GALNT17: variants seen among roughly 807,000 people sequenced by gnomAD.
GALNT17 encodes UDP-GalNAc:polypeptide N-acetylgalactosaminyltransferase-like 3.
GALNT17 carries 29 observed loss-of-function variants against 63.7 expected under a neutral mutation model. That is an observed-to-expected ratio of 0.46 (90% confidence interval 0.34 to 0.62). The LOEUF (loss-of-function observed/expected upper bound fraction) is 0.62. GALNT17 is among the 20% of genes least tolerant of loss of function. The pLI is 0.01. For missense variants in GALNT17, 603 were observed against 799.6 expected (o/e 0.75, Z 2.97); for synonymous variants, 305 against 318.3 (o/e 0.96, Z 0.45).
At chr7:71,694,684 C>A (rs189572267) in intron 9 of GALNT17, among the ~76,000 whole-genome samples, 1 of 152,288 alleles carries the variant, frequency 6.6e-6, no homozygotes, top group East Asian at 1.9e-4. Flanking sequence ...GCGTGAGCCA[C>A]GGTGCCCAGC....
chr7:71,301,223 G>A (rs1387015954), intron 1 of GALNT17, among the ~76,000 whole-genome samples: 1 of 151,758 alleles, frequency 6.6e-6, no homozygotes, highest in Non-Finnish European at 1.5e-5. Context: ...GGAGTTCGAG[G>A]CTGCAGTGAG....
At chr7:71,240,204 G>A (rs1403445226) in intron 1 of GALNT17, among the ~76,000 whole-genome samples, 3 of 152,200 alleles carry the variant, frequency 2.0e-5, no homozygotes, top group Non-Finnish European at 1.5e-5. Context: ...TCTCAGCCGA[G>A]ACCGGAGAAT....
intron 5 of GALNT17, among the ~76,000 whole-genome samples, chr7:71,537,911 T>A (rs769605064): frequency 2.0e-5 from 3 of 152,056 alleles, no homozygotes; most frequent in Non-Finnish European, 4.4e-5. Flanking sequence ...GATTATGTGA[T>A]CACAGATCAA....
chr7:71,220,611 T>C (rs1789565451), intron 1 of GALNT17, among the ~76,000 whole-genome samples: 1 of 152,150 alleles, frequency 6.6e-6, no homozygotes, highest in East Asian at 1.9e-4. Flanking sequence ...TATCTCGGAA[T>C]GTGTCTGTAC....
At chr7:71,680,704 T>TTTTC (rs1491163211) in intron 9 of GALNT17, among the ~76,000 whole-genome samples, 1 of 21,576 alleles carries the variant, frequency 4.6e-5, no homozygotes, top group African/African-American at 1.2e-4. Flanking sequence ...TCCTTTCTTT[T>TTTTC]CCTTCCTTCC....
chr7:71,186,628 A>C (rs150965425), intron 1 of GALNT17, among the ~76,000 whole-genome samples: 255 of 152,298 alleles, frequency 1.7e-3, no homozygotes, highest in Non-Finnish European at 2.9e-3. Context: ...TGCCCTTCAT[A>C]AGCTGATCAA....
chr7:71,492,358 C>T (rs968680743), intron 5 of GALNT17, among the ~76,000 whole-genome samples: 1 of 152,112 alleles, frequency 6.6e-6, no homozygotes, highest in African/African-American at 2.4e-5. Context: ...TGTTCATGCC[C>T]AGTGATCTCT....
intron 1 of GALNT17, among the ~76,000 whole-genome samples, chr7:71,160,302 TA>T (rs1239888428): frequency 1.3e-5 from 2 of 152,226 alleles, no homozygotes; most frequent in African/African-American, 4.8e-5. Context: ...CATTTTCCCA[TA>T]TTATTAAACA....
intron 1 of GALNT17, among the ~76,000 whole-genome samples, chr7:71,246,108 T>C (rs1223042584): frequency 6.9e-6 from 1 of 144,272 alleles, no homozygotes; most frequent in Non-Finnish European, 1.5e-5. Context: ...TCATAGCTTT[T>C]TTCGTTGTTT....
In GALNT17 at chr7:71,524,905, G is replaced by A. The variant is rs921425356; in HGVS notation, c.963-46380G>A. Among the ~76,000 whole-genome samples the A allele has an allele frequency of 3.3e-5, 5 of 152,282 alleles. No individual in the cohort carries two copies. The South Asian group carries it at 8.3e-4, about 25-fold the overall frequency. On this transcript the variant is annotated intron_variant, in intron 5 of 10. Coordinates refer to ENST00000333538, the MANE Select transcript of GALNT17 (RefSeq NM_022479.3). ...CATAGAAGCCTGAACTGTGTTAACT[G>A]TGTTCATTGTCAGAGCTAATAACCA...
chr7:71,526,928 T>G (rs563700721), intron 5 of GALNT17, among the ~76,000 whole-genome samples: 2 of 152,352 alleles, frequency 1.3e-5, no homozygotes, highest in South Asian at 2.1e-4. Context: ...AGCTGTAATC[T>G]CTCCACAGTC....
intron 10 of GALNT17, among the ~76,000 whole-genome samples, chr7:71,711,460 G>A (rs897664115): frequency 2.6e-5 from 4 of 151,948 alleles, no homozygotes; most frequent in Non-Finnish European, 4.4e-5. Flanking sequence ...TGTGCCAGGC[G>A]CCATGATAGT....
intron 1 of GALNT17, among the ~76,000 whole-genome samples, chr7:71,326,284 C>T (rs530892280): frequency 6.6e-6 from 1 of 152,220 alleles, no homozygotes; most frequent in Admixed American, 6.5e-5. Context: ...ATAGGGAGAC[C>T]TCATCTCTAC....
At position 71,353,245 on chromosome 7, in the gene GALNT17, T is replaced by G. The variant is rs573855194; in HGVS notation, c.422+17512T>G. Among the ~76,000 whole-genome samples the G allele has an allele frequency of 2.0e-5, 3 of 152,328 alleles. No individual in the cohort carries two copies. The East Asian group carries it at 5.8e-4, about 29-fold the overall frequency. ...CTTAAAGGTTCACATTTTACAATAT[T>G]TATATATCTCCATGTGTATATCTAT... On this transcript the variant is annotated intron_variant, in intron 2 of 10. Transcript: ENST00000333538.
At chr7:71,237,964 C>A (rs945422415) in intron 1 of GALNT17, among the ~76,000 whole-genome samples, 1 of 152,146 alleles carries the variant, frequency 6.6e-6, no homozygotes, top group Non-Finnish European at 1.5e-5. Context: ...GAAATAAACA[C>A]GGGAATCTGA....
chr7:71,440,094 A>C (rs1194623669), intron 5 of GALNT17, among the ~76,000 whole-genome samples: 1 of 151,206 alleles, frequency 6.6e-6, no homozygotes, highest in African/African-American at 2.4e-5. Flanking sequence ...ACGCCTGGCT[A>C]ATTTTTCGTA....
intron 1 of GALNT17, among the ~76,000 whole-genome samples, chr7:71,133,618 G>A (rs988655379): frequency 6.6e-6 from 1 of 152,152 alleles, no homozygotes; most frequent in Non-Finnish European, 1.5e-5. Context: ...TTCTCCTTGG[G>A]GGCTGCGGAG....
intron 5 of GALNT17, among the ~76,000 whole-genome samples, chr7:71,547,451 G>C (rs1271633605): frequency 6.6e-6 from 1 of 151,962 alleles, no homozygotes; most frequent in East Asian, 1.9e-4. Flanking sequence ...ACTGCGCCCG[G>C]CCCAGCTAAT....
At chr7:71,322,978 G>T (rs187099278) in intron 1 of GALNT17, among the ~76,000 whole-genome samples, 62 of 152,262 alleles carry the variant, frequency 4.1e-4, no homozygotes, top group African/African-American at 1.4e-3. Context: ...ACTGTGGAAA[G>T]TATGAAAACA....
Sources: allele counts gnomAD v4.1 joint callset (sites outside exome capture counted in the v4.1 genomes callset), GRCh38; gene constraint gnomAD v4.1.1; transcripts MANE v1.5; gene names NCBI Gene and HGNC (gene_info 2026-07-23, HGNC 2026-07-21).